Variants in SKAP2 observed in about 807,000 individuals in gnomAD.
SKAP2 encodes src kinase-associated phosphoprotein 2.
SKAP2 carries 28 observed loss-of-function variants against 54.9 expected under a neutral mutation model. The observed-to-expected ratio is 0.51, with a 90% CI of 0.38 to 0.70. SKAP2 has a LOEUF of 0.70. SKAP2 is among the 30% of genes least tolerant of loss of function. SKAP2 has a pLI of 0.00. For synonymous variants in SKAP2, 137 were observed against 134.3 expected, an observed-to-expected ratio of 1.02 and a Z score of -0.14; for missense variants, 356 against 424.1, an observed-to-expected ratio of 0.84 and a Z score of 1.41.
intron 11 of SKAP2, among the ~76,000 whole-genome samples, chr7:26,673,360 G>C (rs568328310): frequency 6.6e-6 from 1 of 152,020 alleles, no homozygotes; most frequent in South Asian, 2.1e-4. Context: ...AACCATTCTA[G>C]TCAATTTATA....
chr7:26,799,153 C>T (rs1036981017), intron 4 of SKAP2, among the ~76,000 whole-genome samples: 5 of 150,532 alleles, frequency 3.3e-5, no homozygotes, highest in Non-Finnish European at 7.4e-5. Flanking sequence ...GGCAAGACAA[C>T]ACCAGACCAC....
chr7:26,694,975 CA>C (rs1028542762), intron 9 of SKAP2, among the ~76,000 whole-genome samples: 1 of 151,550 alleles, frequency 6.6e-6, no homozygotes, highest in African/African-American at 2.4e-5. Flanking sequence ...GATAAATAAC[CA>C]AAAAGAAGAG....
chr7:26,817,260 G>C (rs1269663534), intron 4 of SKAP2, among the ~76,000 whole-genome samples: 2 of 151,902 alleles, frequency 1.3e-5, no homozygotes, highest in East Asian at 3.8e-4. Flanking sequence ...CAGGTCTATA[G>C]GTTTATATAT....
rs113073506 is a variant in SKAP2, at chr7:26,725,651, C to A, written c.659-86G>T. The A allele has an allele frequency of 5.7e-6, 7 of 1,231,804 alleles. No homozygotes were observed. In the African/African-American group the frequency reaches 6.2e-5, roughly 11 times the overall value. The allele number at this position is 1,231,804 out of a possible 1,614,324, so 76.3% of individuals were successfully genotyped here. On this transcript the variant is annotated intron_variant, in intron 8 of 12. Coordinates refer to ENST00000345317, the MANE Select transcript of SKAP2 (RefSeq NM_003930.5). ...TACTTTATAAATAAATGCAGCCCTA[C>A]AAAGCAACAACAATATTGTTATATG...
chr7:26,734,390 T>C (rs1378544911), intron 6 of SKAP2, among the ~76,000 whole-genome samples: 1 of 152,180 alleles, frequency 6.6e-6, no homozygotes, highest in African/African-American at 2.4e-5. Flanking sequence ...AATCCACTTA[T>C]TTAGCCTTAC....
At chr7:26,818,939 T>C (rs1043097418) in intron 4 of SKAP2, among the ~76,000 whole-genome samples, 7 of 152,150 alleles carry the variant, frequency 4.6e-5, no homozygotes, top group African/African-American at 1.4e-4. Flanking sequence ...CTGGAGAGGA[T>C]ATGGAGAAAT....
chr7:26,851,816 G>C (rs933866984), intron 3 of SKAP2, among the ~76,000 whole-genome samples: 1 of 151,918 alleles, frequency 6.6e-6, no homozygotes, highest in African/African-American at 2.4e-5. Context: ...GGATTTGTGA[G>C]GGAAGTAAGG....
At chr7:26,699,947 T>A (rs542323634) in intron 9 of SKAP2, among the ~76,000 whole-genome samples, 1 of 152,326 alleles carries the variant, frequency 6.6e-6, no homozygotes, top group African/African-American at 2.4e-5. Flanking sequence ...AAAGTCCGTA[T>A]GTGTTTTTCC....
intron 11 of SKAP2, among the ~76,000 whole-genome samples, chr7:26,676,090 G>C (rs989431377): frequency 6.6e-6 from 1 of 152,096 alleles, no homozygotes; most frequent in Admixed American, 6.6e-5. Flanking sequence ...TCTTCATTGA[G>C]ACTCTACAAT....
At chr7:26,826,447 T>A (rs762423113) in intron 4 of SKAP2, among the ~76,000 whole-genome samples, 2 of 152,346 alleles carry the variant, frequency 1.3e-5, no homozygotes, top group Non-Finnish European at 2.9e-5. Context: ...TAAACTTCCC[T>A]TTCTGCTTTG....
intron 4 of SKAP2, among the ~76,000 whole-genome samples, chr7:26,753,942 A>G (rs994422576): frequency 6.6e-6 from 1 of 152,190 alleles, no homozygotes; most frequent in Non-Finnish European, 1.5e-5. Flanking sequence ...TTTCACAATT[A>G]CTAACACTCC....
intron 4 of SKAP2, among the ~76,000 whole-genome samples, chr7:26,779,808 T>C (rs1166010185): frequency 6.6e-6 from 1 of 151,912 alleles, no homozygotes; most frequent in Non-Finnish European, 1.5e-5. Flanking sequence ...AACAAGTAAT[T>C]TGTGTTTTAA....
At chr7:26,735,340 T>C (rs1001708053) in intron 6 of SKAP2, among the ~76,000 whole-genome samples, 3 of 152,204 alleles carry the variant, frequency 2.0e-5, no homozygotes, top group African/African-American at 7.2e-5. Flanking sequence ...AGGAAGGATA[T>C]GAAAGGATGA....
intron 11 of SKAP2, among the ~76,000 whole-genome samples, chr7:26,680,805 G>C (rs1378046753): frequency 6.6e-6 from 1 of 152,088 alleles, no homozygotes; most frequent in Non-Finnish European, 1.5e-5. Flanking sequence ...TTGAAGGAGG[G>C]GCTATCTCAG....
At position 26,821,573 on chromosome 7, in the gene SKAP2, T is replaced by C. The variant is rs543758241; in HGVS notation, c.307+22457A>G. On this transcript the variant is annotated intron_variant, in intron 4 of 12. Transcript: ENST00000345317. ...TATTAAACATGTTTAGGCGAATAAA[T>C]CAATGATTTGCCACATCTCTATTCC... is the stretch of plus-strand genomic sequence containing the variant. Among the ~76,000 whole-genome samples, 29 of 152,330 alleles carry C rather than the reference T, an allele frequency of 1.9e-4. No homozygotes were observed. In the South Asian group the frequency reaches 5.4e-3, roughly 28 times the overall value.
chr7:26,705,046 G>A (rs1182919268), intron 9 of SKAP2, among the ~76,000 whole-genome samples: 2 of 152,152 alleles, frequency 1.3e-5, no homozygotes, highest in Non-Finnish European at 2.9e-5. Flanking sequence ...CAGAGTAGCA[G>A]ATGAAGTAAA....
chr7:26,864,393 G>C lies in SKAP2; in HGVS notation c.37C>G (p.Leu13Val). ...NPSSTSSPYP[L>V]PEEIRNLLAD... ...AACAGGTTCCTAATTTCCTCAGGGA[G>C]GGGGTAGGGAGAGGAGGTGCTGCTG... is the stretch of plus-strand genomic sequence containing the variant. The change falls in exon 1 of 13, where the codon CTC becomes GTC. Residue 13 changes from leucine to valine, a missense_variant. By Grantham distance (32) the Leu-to-Val change is conservative (BLOSUM62 1). Coordinates refer to ENST00000345317, the MANE Select transcript of SKAP2 (RefSeq NM_003930.5). The C allele has an allele frequency of 1.2e-6, 2 of 1,613,128 alleles. No individual in the cohort carries two copies. The highest frequency in any genetic ancestry group is 1.7e-6 in the Non-Finnish European group (2 of 1,179,450).
intron 4 of SKAP2, among the ~76,000 whole-genome samples, chr7:26,829,322 C>A (rs1784557203): frequency 2.0e-5 from 3 of 152,038 alleles, no homozygotes. Context: ...CGCTTGAGCC[C>A]AGGAGTTCAA....
intron 3 of SKAP2, among the ~76,000 whole-genome samples, chr7:26,845,823 G>A (rs1784909121): frequency 6.6e-6 from 1 of 152,080 alleles, no homozygotes; most frequent in South Asian, 2.1e-4. Context: ...AGTCACATCT[G>A]TGGGAGGCTG....
Sources: allele counts gnomAD v4.1 joint callset (sites outside exome capture counted in the v4.1 genomes callset), GRCh38; gene constraint gnomAD v4.1.1; transcripts MANE v1.5; gene names NCBI Gene and HGNC (gene_info 2026-07-23, HGNC 2026-07-21).